The following SIGLEC14 variants were observed in gnomAD, a reference collection of about 807,000 sequenced individuals.
SIGLEC14 encodes the protein sialic acid binding Ig like lectin 14, also known as sialic acid-binding Ig-like lectin 14.
SIGLEC14 carries 11 observed loss-of-function variants against 34.2 expected under a neutral mutation model. That is an observed-to-expected ratio of 0.32 (90% CI 0.20 to 0.53). The LOEUF (loss-of-function observed/expected upper bound fraction) is 0.53, where lower values mean the gene tolerates loss of function less well. Ranked by LOEUF, SIGLEC14 falls within the 20% of genes least tolerant of loss-of-function variation. The pLI is 0.95. For synonymous variants in SIGLEC14, 99 were observed against 179.7 expected (o/e 0.55, Z 3.59); for missense variants, 264 against 439.0 (o/e 0.60, Z 3.56).
chr19:51,646,738 GC>G lies in SIGLEC14; in HGVS notation c.21del (p.Leu9CysfsTer21), dbSNP rs1486159616. ...GCTCACTCACCCCCCCACAGCAGGG[GC>G]AGCAGCAGCAGGGGCAGCATGTCTC... Reference protein sequence around the residue: MLPLLLLPLLWGGSLQE... With the variant: MLPLLLXPLLWGGSLQE... On this transcript the variant is annotated frameshift_variant, in exon 1 of 7. Coordinates refer to ENST00000360844, the MANE Select transcript of SIGLEC14 (RefSeq NM_001098612.3). LOFTEE classifies it high-confidence loss of function. 1 of 629,062 alleles carries G rather than the reference GC, an allele frequency of 1.6e-6. No individual in the cohort carries two copies. The allele number at this position is 629,062 out of a possible 1,614,324, so 39.0% of individuals were successfully genotyped here.
At position 51,643,381 on chromosome 19, in the gene SIGLEC14, G is replaced by A. The variant is rs1983951848; in HGVS notation, c.1165C>T (p.Gln389Ter). Reference sequence around the variant, plus strand: ...CAGCCAGGCCTCTCAGCCCTGCTCTGCTGGGGGCCTCCACACCTGCAGAGC... The same window carrying A: ...CAGCCAGGCCTCTCAGCCCTGCTCTACTGGGGGCCTCCACACCTGCAGAGC... ...IYYTRCGGPQ[Q>*]SRAERPG Residue 389 changes from glutamine (Q) to a stop codon, truncating the protein, a stop_gained, in exon 7 of 7, where the codon CAG becomes TAG. Coordinates refer to ENST00000360844, the MANE Select transcript of SIGLEC14 (RefSeq NM_001098612.3). LOFTEE classifies it low-confidence loss of function (END_TRUNC). The A allele has an allele frequency of 2.0e-6, 3 of 1,520,568 alleles. 1 individual carries two copies. Among genetic ancestry groups the A allele is most frequent in the African/African-American group, 1.5e-5 (1 of 64,944 alleles). The allele number at this position is 1,520,568 out of a possible 1,614,324, so 94.2% of individuals were successfully genotyped here. A position where few individuals can be genotyped will look rare whatever the true frequency, so the allele number is the denominator to read the frequency against.
Position 51,646,142 on chromosome 19 carries a change from C to T in SIGLEC14, c.422-82G>A, listed in dbSNP as rs1353709425. 1.1e-5 allele frequency: 9 copies of T among 793,300 alleles called. 2 individuals are homozygous for T. The East Asian group carries it at 2.1e-4, about 18-fold the overall frequency. The allele number at this position is 793,300 out of a possible 1,614,324, so 49.1% of individuals were successfully genotyped here. On this transcript the variant is annotated intron_variant, in intron 2 of 6. Coordinates refer to ENST00000360844, the MANE Select transcript of SIGLEC14 (RefSeq NM_001098612.3). ...ACCCCGAGAGTGGCCAGGCCTCAGG[C>T]CCCGACCTGCCCCAAGTCCTACACC...
chr19:51,646,128 G>A lies in SIGLEC14; in HGVS notation c.422-68C>T, dbSNP rs1352389540. ...GGACGTAAGGTGTGACCCCGAGAGTGGCCAGGCCTCAGGCCCCGACCTGCC... is the reference window on the plus strand; with the variant it reads ...GGACGTAAGGTGTGACCCCGAGAGTAGCCAGGCCTCAGGCCCCGACCTGCC... On this transcript the variant is annotated intron_variant, in intron 2 of 6. Transcript: ENST00000360844. 34 of 799,600 alleles carry A rather than the reference G, an allele frequency of 4.3e-5. 1 individual carries two copies. Among genetic ancestry groups the A allele is most frequent in the Admixed American group, 1.5e-4 (5 of 32,940 alleles). 49.5% of individuals were successfully genotyped at this position (799,600 alleles called of 1,614,324 possible).
In SIGLEC14 at chr19:51,645,176, A is replaced by C. The variant is rs1458587521; in HGVS notation, c.754+301T>G. On this transcript the variant is annotated intron_variant, in intron 4 of 6. Transcript: ENST00000360844. The stretch of plus-strand genomic sequence containing the variant: ...GCAGTTTGGTTTTGCAACAATGTGA[A>C]CACATTTAACACTGCTGAACTGTAC... Among the ~76,000 whole-genome samples the C allele has an allele frequency of 2.2e-5, 3 of 139,522 alleles. 1 individual carries two copies. The highest frequency in any genetic ancestry group is 4.6e-5 in the Non-Finnish European group (3 of 65,046). The allele number at this position is 139,522 out of a possible 152,430, so 91.5% of individuals were successfully genotyped here.
chr19:51,643,950 G>C lies in SIGLEC14; in HGVS notation c.841C>G (p.Pro281Ala). The stretch of plus-strand genomic sequence containing the variant: ...TCCCGGAACCAGCTCAGTGAGGCAG[G>C]GGGGTTGCTGTCAACTGTGCAGGCG... The part of the protein sequence containing the change: ...FLACTVDSNP[P>A]ASLSWFREGK... Residue 281 changes from proline to alanine, a missense_variant, in exon 5 of 7, where the codon CCT (proline) becomes GCT (alanine). Pro to Ala is a conservative substitution (Grantham distance 27). Coordinates refer to ENST00000360844, the MANE Select transcript of SIGLEC14 (RefSeq NM_001098612.3). The C allele has an allele frequency of 1.3e-6, 2 of 1,534,026 alleles. No individual in the cohort carries two copies. Among genetic ancestry groups the C allele is most frequent in the Non-Finnish European group, 1.8e-6 (2 of 1,141,672 alleles).
In SIGLEC14 at chr19:51,643,214, G is replaced by A. The variant is rs1361642470; in HGVS notation, c.*141C>T. On this transcript the variant is annotated 3_prime_UTR_variant, in exon 7 of 7. Coordinates refer to ENST00000360844, the MANE Select transcript of SIGLEC14 (RefSeq NM_001098612.3). ...AAGACTCACAAGCAGAGGGGAATAA[G>A]TAGAAGGGGTATGGGGCAGGAAGGA... The A allele has an allele frequency of 5.0e-6, 4 of 802,810 alleles. No individual in the cohort carries two copies. The highest frequency in any genetic ancestry group is 7.9e-6 in the Non-Finnish European group (4 of 509,218). 49.7% of individuals were successfully genotyped at this position (802,810 alleles called of 1,614,324 possible). A position where few individuals can be genotyped will look rare whatever the true frequency, so the allele number is the denominator to read the frequency against.
rs773547130 is a variant in SIGLEC14, at chr19:51,645,738, C to T, written c.700+44G>A. The T allele has an allele frequency of 4.8e-6, 7 of 1,471,020 alleles. 1 individual carries two copies. Among genetic ancestry groups the T allele is most frequent in the Non-Finnish European group, 6.3e-6 (7 of 1,109,014 alleles). 91.1% of individuals were successfully genotyped at this position (1,471,020 alleles called of 1,614,324 possible). On this transcript the variant is annotated intron_variant, in intron 3 of 6. Transcript: ENST00000360844. ...CACACACACACACACCCCCCTCACT[C>T]CCACTGCCCTTGGGGACTCAGCTGT...
rs1300045859 is a variant in SIGLEC14 at position 51,645,842 on chromosome 19, G to C, written c.640C>G (p.Gln214Glu). The change falls in exon 3 of 7, where the codon CAG (glutamine) becomes GAG (glutamate). Residue 214 changes from glutamine (Q) to glutamate (E), a missense_variant. Gln to Glu is a conservative substitution (Grantham distance 29, BLOSUM62 2). Around this residue, in one of 5 missense-constraint regions of SIGLEC14, gnomAD observed 45 missense variants for 96.7 expected, o/e 0.47. Coordinates refer to ENST00000360844, the MANE Select transcript of SIGLEC14 (RefSeq NM_001098612.3). ...PEDHGTNLTC[Q>E]VKRQGAQVTT... ...ACCTGAGCTCCTTGGCGTTTCACCT[G>C]ACAGGTGAGGTTGGTGCCATGGTCC... 12 of 1,529,536 alleles carry C rather than the reference G, an allele frequency of 7.8e-6. 4 individuals are homozygous for C. The highest frequency in any genetic ancestry group is 6.9e-5 in the East Asian group (2 of 28,890). 94.7% of individuals were successfully genotyped at this position (1,529,536 alleles called of 1,614,324 possible). A position where few individuals can be genotyped will look rare whatever the true frequency, so the allele number is the denominator to read the frequency against.
In SIGLEC14 at chr19:51,642,989, A is replaced by T; in HGVS notation, c.*366T>A. On this transcript the variant is annotated 3_prime_UTR_variant, in exon 7 of 7. Coordinates refer to ENST00000360844, the MANE Select transcript of SIGLEC14 (RefSeq NM_001098612.3). ...CAGTGAACGGAGATTGTGCCACTGA[A>T]CTCCAGCCTGTGCAACAGAGTGAGA... is the stretch of plus-strand genomic sequence containing the variant. 1 of 179,884 alleles carries T rather than the reference A, an allele frequency of 5.6e-6. No homozygotes were observed. Among genetic ancestry groups the T allele is most frequent in the Admixed American group, 7.7e-5 (1 of 12,952 alleles). The allele number at this position is 179,884 out of a possible 1,614,324, so 11.1% of individuals were successfully genotyped here. A position where few individuals can be genotyped will look rare whatever the true frequency, so the allele number is the denominator to read the frequency against.
rs748282496 is a variant in SIGLEC14 at position 51,642,272 on chromosome 19, GTGTAACAACGTGGATAAAC to G, written c.*1064_*1082del. Reference sequence around the variant, plus strand: ...AAAACTGAGAATGAGCTATTGATACGTGTAACAACGTGGATAAACTGGGAAAACCACACTGAAGAAATGA... The same window carrying G: ...AAAACTGAGAATGAGCTATTGATACGTGGGAAAACCACACTGAAGAAATGA... On this transcript the variant is annotated 3_prime_UTR_variant, in exon 7 of 7. Transcript: ENST00000360844. Among the ~76,000 whole-genome samples the G allele has an allele frequency of 1.4e-5, 2 of 139,118 alleles. No homozygotes were observed. The highest frequency in any genetic ancestry group is 3.1e-5 in the Non-Finnish European group (2 of 65,010). The allele number at this position is 139,118 out of a possible 152,430, so 91.3% of individuals were successfully genotyped here. A position where few individuals can be genotyped will look rare whatever the true frequency, so the allele number is the denominator to read the frequency against.
intron 5 of SIGLEC14, 36 bp from the exon 6 acceptor site, chr19:51,643,708 G>C (rs369594711): frequency 2.0e-6 from 3 of 1,524,784 alleles, no homozygotes; most frequent in Non-Finnish European, 2.6e-6. Flanking sequence ...CTGTTACCAG[G>C]CCTCAGTCCC....
chr19:51,645,378 G>A lies in SIGLEC14; in HGVS notation c.754+99C>T, dbSNP rs1433432465. 13 of 1,159,418 alleles carry A rather than the reference G, an allele frequency of 1.1e-5. 3 individuals are homozygous for A. The highest frequency in any genetic ancestry group is 6.8e-5 in the African/African-American group (4 of 58,954). The allele number at this position is 1,159,418 out of a possible 1,614,324, so 71.8% of individuals were successfully genotyped here. On this transcript the variant is annotated intron_variant, in intron 4 of 6. Coordinates refer to ENST00000360844, the MANE Select transcript of SIGLEC14 (RefSeq NM_001098612.3). ...TGGGAGCAGGAAGGACCCAGACCCA[G>A]GGGCTGAGGGGTGAGGGAGGGTCTC...
rs927546773 is a variant in SIGLEC14, at chr19:51,639,480, A to G, written c.*3875T>C. ...ATAACAAAATACCTTAGGCTGGGTG[A>G]TTTATAAACAACAGAAATTTATTTC... On this transcript the variant is annotated 3_prime_UTR_variant, in exon 7 of 7. Coordinates refer to ENST00000360844, the MANE Select transcript of SIGLEC14 (RefSeq NM_001098612.3). The G allele has an allele frequency of 4.3e-4, 60 of 139,876 alleles. 7 individuals are homozygous for G. Among genetic ancestry groups the G allele is most frequent in the African/African-American group, 1.6e-3 (58 of 36,982 alleles). The allele number at this position is 139,876 out of a possible 1,614,324, so 8.7% of individuals were successfully genotyped here. A position where few individuals can be genotyped will look rare whatever the true frequency, so the allele number is the denominator to read the frequency against.
Position 51,642,265 on chromosome 19 carries a change from T to C in SIGLEC14, c.*1090A>G, listed in dbSNP as rs985595482. Reference sequence around the variant, plus strand: ...CCCCACCAAAACTGAGAATGAGCTATTGATACGTGTAACAACGTGGATAAA... The same window carrying C: ...CCCCACCAAAACTGAGAATGAGCTACTGATACGTGTAACAACGTGGATAAA... On this transcript the variant is annotated 3_prime_UTR_variant, in exon 7 of 7. Coordinates refer to ENST00000360844, the MANE Select transcript of SIGLEC14 (RefSeq NM_001098612.3). 6.5e-5 allele frequency among the ~76,000 whole-genome samples: 9 copies of C among 139,260 alleles called. 2 individuals are homozygous for C. The highest frequency in any genetic ancestry group is 2.4e-4 in the South Asian group (1 of 4,150). The allele number at this position is 139,260 out of a possible 152,430, so 91.4% of individuals were successfully genotyped here.
rs1983873887 is a variant in SIGLEC14, at chr19:51,639,962, T to C, written c.*3393A>G. 8 of 139,336 alleles carry C rather than the reference T, an allele frequency of 5.7e-5. No individual in the cohort carries two copies. Among genetic ancestry groups the C allele is most frequent in the Admixed American group, 5.5e-4 (8 of 14,420 alleles). 8.6% of individuals were successfully genotyped at this position (139,336 alleles called of 1,614,324 possible). A position where few individuals can be genotyped will look rare whatever the true frequency, so the allele number is the denominator to read the frequency against. ...AAAAGCAGCAAGACATAAACAGATA[T>C]TGCCTTAAATGGAACCACAATAAGA... is the stretch of plus-strand genomic sequence containing the variant. On this transcript the variant is annotated 3_prime_UTR_variant, in exon 7 of 7. Transcript: ENST00000360844.
intron 6 of SIGLEC14, 54 bp downstream of exon 6, chr19:51,643,483 G>GGGGGGGGGGGCCCCCCCCCCCC: frequency 7.7e-7 from 1 of 1,297,880 alleles, no homozygotes; most frequent in Non-Finnish European, 1.0e-6. Flanking sequence ...GGGCAGGACA[G>GGGGGGGGGGGCCCCCCCCCCCC]CTCAGCCCCA....
chr19:51,641,370 G>A lies in SIGLEC14; in HGVS notation c.*1985C>T, dbSNP rs1983902248. Reference sequence around the variant, plus strand: ...AGTGAAAGTTAGTTCAGCCATTGTGGAAGACAGTGTGGCGATTCCTCAAAG... The same window carrying A: ...AGTGAAAGTTAGTTCAGCCATTGTGAAAGACAGTGTGGCGATTCCTCAAAG... On this transcript the variant is annotated 3_prime_UTR_variant, in exon 7 of 7. Coordinates refer to ENST00000360844, the MANE Select transcript of SIGLEC14 (RefSeq NM_001098612.3). Among the ~76,000 whole-genome samples, 1 of 139,634 alleles carries A rather than the reference G, an allele frequency of 7.2e-6. No homozygotes were observed. Among genetic ancestry groups the A allele is most frequent in the Admixed American group, 6.9e-5 (1 of 14,504 alleles). The allele number at this position is 139,634 out of a possible 152,430, so 91.6% of individuals were successfully genotyped here.
At position 51,642,044 on chromosome 19, in the gene SIGLEC14, A is replaced by G. The variant is rs1037898644; in HGVS notation, c.*1311T>C. 2.9e-4 allele frequency among the ~76,000 whole-genome samples: 41 copies of G among 139,826 alleles called. 8 individuals are homozygous for G. The highest frequency in any genetic ancestry group is 8.6e-4 in the African/African-American group (32 of 37,036). The allele number at this position is 139,826 out of a possible 152,430, so 91.7% of individuals were successfully genotyped here. A position where few individuals can be genotyped will look rare whatever the true frequency, so the allele number is the denominator to read the frequency against. Reference sequence around the variant, plus strand: ...TAAAAAACCAGTAAAATCTGCAATCACTTAGAAATTAAACAACACACTTCT... The same window carrying G: ...TAAAAAACCAGTAAAATCTGCAATCGCTTAGAAATTAAACAACACACTTCT... On this transcript the variant is annotated 3_prime_UTR_variant, in exon 7 of 7. Coordinates refer to ENST00000360844, the MANE Select transcript of SIGLEC14 (RefSeq NM_001098612.3).
At position 51,643,837 on chromosome 19, in the gene SIGLEC14, G is replaced by C. The variant is rs745838316; in HGVS notation, c.954C>G (p.Thr318=). The change falls in exon 5 of 7, where the codon ACC becomes ACG. Residue 318 remains threonine (T), a synonymous_variant. Transcript: ENST00000360844. ...NIGAREGGEF[T]CRVQHPLGSQ... ...AGCCCAGCGGATGCTGAACCCGGCAGGTGAATTCCCCTCCCTCTCTAGCTC... is the reference window on the plus strand; with the variant it reads ...AGCCCAGCGGATGCTGAACCCGGCACGTGAATTCCCCTCCCTCTCTAGCTC... The C allele has an allele frequency of 2.0e-6, 3 of 1,531,848 alleles. No individual in the cohort carries two copies. The highest frequency in any genetic ancestry group is 8.8e-7 in the Non-Finnish European group (1 of 1,140,022). The allele number at this position is 1,531,848 out of a possible 1,614,324, so 94.9% of individuals were successfully genotyped here. A position where few individuals can be genotyped will look rare whatever the true frequency, so the allele number is the denominator to read the frequency against.
Sources: gnomAD v4.1 joint callset for allele counts (sites outside exome capture counted in the v4.1 genomes callset) on GRCh38, gnomAD v4.1.1 for gene constraint, gnomAD v4.1.1 regional missense constraint, MANE v1.5 for transcripts, NCBI Gene and HGNC (gene_info 2026-07-23, HGNC 2026-07-21) for gene names.